The following GRIN2B variants were observed in gnomAD, a reference collection of about 807,000 sequenced individuals.
GRIN2B encodes the protein glutamate ionotropic receptor NMDA type subunit 2B.
Under a neutral mutation model 114.5 loss-of-function variants are expected in GRIN2B, and 5 were observed. The observed-to-expected ratio is 0.04, with a 90% confidence interval of 0.02 to 0.09. The LOEUF is 0.09. GRIN2B is among the 10% of genes least tolerant of loss of function. The pLI is 1.00. For synonymous variants in GRIN2B, 787 were observed against 745.1 expected (o/e 1.06, Z -0.92); for missense variants, 1,108 against 1,943.5 (o/e 0.57, Z 8.08).
intron 4 of GRIN2B, among the ~76,000 whole-genome samples, chr12:13,711,783 C>T (rs1479925956): frequency 6.6e-6 from 1 of 152,150 alleles, no homozygotes; most frequent in African/African-American, 2.4e-5. Context: ...GTTGGTGGAA[C>T]TGTAAACTAG....
intron 2 of GRIN2B, among the ~76,000 whole-genome samples, chr12:13,946,210 C>G (rs1308326265): frequency 2.0e-5 from 3 of 152,022 alleles, no homozygotes; most frequent in African/African-American, 7.2e-5. Context: ...TAAGCTGATA[C>G]CTAATTTCAT....
chr12:13,600,791 G>C (rs1805514), intron 10 of GRIN2B, among the ~76,000 whole-genome samples: 4,816 of 152,236 alleles, frequency 0.032, 114 homozygotes, highest in Non-Finnish European at 0.051. Context: ...AAGGTAGTGG[G>C]GAAGTGTGCA....
intron 4 of GRIN2B, among the ~76,000 whole-genome samples, chr12:13,690,014 A>C (rs1384032288): frequency 6.6e-6 from 1 of 151,952 alleles, no homozygotes; most frequent in Non-Finnish European, 1.5e-5. Flanking sequence ...CATTTCATTT[A>C]TTGTTCACTT....
chr12:13,694,282 A>C (rs867937428), intron 4 of GRIN2B, among the ~76,000 whole-genome samples: 2 of 152,244 alleles, frequency 1.3e-5, no homozygotes, highest in Middle Eastern at 6.8e-3. Context: ...TATTTGGAGA[A>C]GCTCTTCCAA....
Position 13,916,710 on chromosome 12 carries a change from T to TACAC in GRIN2B, c.-18-50485_-18-50484insGTGT, listed in dbSNP as rs144748589. On this transcript the variant is annotated intron_variant, in intron 2 of 13. Coordinates refer to ENST00000609686, the MANE Select transcript of GRIN2B (RefSeq NM_000834.5). ...CTCTCTCTCTCTCCATACATATACA[T>TACAC]ATACACACACACACACACACACACA... Among the ~76,000 whole-genome samples, 894 of 100,230 alleles carry TACAC rather than the reference T, an allele frequency of 8.9e-3. 9 individuals carry two copies. Among genetic ancestry groups the TACAC allele is most frequent in the African/African-American group, 0.028 (680 of 24,308 alleles). 65.8% of individuals were successfully genotyped at this position (100,230 alleles called of 152,430 possible). A position where few individuals can be genotyped will look rare whatever the true frequency, so the allele number is the denominator to read the frequency against.
chr12:13,603,292 T>C (rs1034114418), intron 10 of GRIN2B, among the ~76,000 whole-genome samples: 2 of 152,126 alleles, frequency 1.3e-5, no homozygotes, highest in African/African-American at 4.8e-5. Flanking sequence ...TACATGTTAG[T>C]AGGGGGAAAG....
chr12:13,944,242 T>C (rs1867324184), intron 2 of GRIN2B, among the ~76,000 whole-genome samples: 1 of 152,198 alleles, frequency 6.6e-6, no homozygotes, highest in African/African-American at 2.4e-5. Context: ...AAAACCCTTC[T>C]TTAACCACAT....
intron 4 of GRIN2B, among the ~76,000 whole-genome samples, chr12:13,702,195 A>G (rs1007250627): frequency 6.6e-5 from 10 of 152,196 alleles, no homozygotes; most frequent in Non-Finnish European, 1.2e-4. Flanking sequence ...CCAAGCTACT[A>G]CCATCACATC....
intron 5 of GRIN2B, among the ~76,000 whole-genome samples, chr12:13,638,296 C>A (rs750864204): frequency 6.6e-6 from 1 of 152,060 alleles, no homozygotes; most frequent in Non-Finnish European, 1.5e-5. Flanking sequence ...AGAGACTAGT[C>A]CCTACAATAC....
rs1246772896 is a variant in GRIN2B, at chr12:13,753,456, C to T, written c.871G>A (p.Ala291Thr). 8.1e-6 allele frequency: 13 copies of T among 1,613,946 alleles called. No individual in the cohort carries two copies. Among genetic ancestry groups the T allele is most frequent in the Admixed American group, 3.3e-5 (2 of 59,990 alleles). Residue 291 changes from alanine to threonine, a missense_variant, in exon 4 of 14, where the codon GCC (alanine) becomes ACC (threonine). Transcript: ENST00000609686. This position sits in a 1 kb window ranked among gnomAD's most constrained non-coding sequence, Gnocchi z 6.2. ...ATGGCAATTCCATCTCTCACTCTGG[C>T]GGGGAGGCCATAGTCCCATTCATCA... ...SYDEWDYGLP[A>T]RVRDGIAIIT...
Position 13,551,758 on chromosome 12 carries a change from T to C in GRIN2B, c.*11025A>G, listed in dbSNP as rs1316008715. Reference sequence around the variant, plus strand: ...CAGGTGAATATCTGAGAGCAAAGTATAAACTACTGAGAGTATAACTCAGCC... The same window carrying C: ...CAGGTGAATATCTGAGAGCAAAGTACAAACTACTGAGAGTATAACTCAGCC... On this transcript the variant is annotated 3_prime_UTR_variant, in exon 14 of 14. Coordinates refer to ENST00000609686, the MANE Select transcript of GRIN2B (RefSeq NM_000834.5). 1 of 152,182 alleles carries C rather than the reference T, an allele frequency of 6.6e-6. No homozygotes were observed. Among genetic ancestry groups the C allele is most frequent in the Non-Finnish European group, 1.5e-5 (1 of 68,014 alleles). The allele number at this position is 152,182 out of a possible 1,614,324, so 9.4% of individuals were successfully genotyped here.
At chr12:13,613,825 A>G (rs1466049961) in intron 8 of GRIN2B, among the ~76,000 whole-genome samples, 1 of 152,106 alleles carries the variant, frequency 6.6e-6, no homozygotes, top group Non-Finnish European at 1.5e-5. Flanking sequence ...TCTTATCCCT[A>G]TAACTAACTG....
chr12:13,706,351 C>T (rs925048161), intron 4 of GRIN2B, among the ~76,000 whole-genome samples: 5 of 151,900 alleles, frequency 3.3e-5, no homozygotes, highest in African/African-American at 7.3e-5. Context: ...CTGTTAAGAT[C>T]GAAAGAAAAA....
intron 4 of GRIN2B, among the ~76,000 whole-genome samples, chr12:13,717,582 C>T (rs1016977990): frequency 3.9e-5 from 6 of 151,918 alleles, no homozygotes; most frequent in African/African-American, 1.4e-4. Context: ...AGTAGGCATT[C>T]AGTAAATATT....
At position 13,676,373 on chromosome 12, in the gene GRIN2B, T is replaced by C. The variant is rs545193475; in HGVS notation, c.1011-514A>G. Among the ~76,000 whole-genome samples the C allele has an allele frequency of 2.0e-5, 3 of 152,096 alleles. No individual in the cohort carries two copies. In the East Asian group the frequency reaches 5.8e-4, roughly 29 times the overall value. ...TTAAAAATAAAAATTTTTAAAAAGG[T>C]GTTTGGTTTAAGTTCAGCCTAGAGG... On this transcript the variant is annotated intron_variant, in intron 4 of 13. Coordinates refer to ENST00000609686, the MANE Select transcript of GRIN2B (RefSeq NM_000834.5).
chr12:13,889,141 A>G (rs1411710098), intron 2 of GRIN2B, among the ~76,000 whole-genome samples: 2 of 152,142 alleles, frequency 1.3e-5, no homozygotes, highest in African/African-American at 2.4e-5. Context: ...TTTTTTGTCA[A>G]TAACTGAGAC....
At chr12:13,568,218 A>G (rs930805955) in intron 12 of GRIN2B, among the ~76,000 whole-genome samples, 1 of 152,150 alleles carries the variant, frequency 6.6e-6, no homozygotes, top group African/African-American at 2.4e-5. Context: ...AGTAGGAGGA[A>G]GTAGGAAGAG....
chr12:13,765,044 G>A (rs1305829666), intron 3 of GRIN2B, among the ~76,000 whole-genome samples: 1 of 152,176 alleles, frequency 6.6e-6, no homozygotes, highest in African/African-American at 2.4e-5. Context: ...GAAGCTATCA[G>A]GCTCACATCG....
At chr12:13,636,368 T>C (rs1179993379) in intron 5 of GRIN2B, among the ~76,000 whole-genome samples, 2 of 152,138 alleles carry the variant, frequency 1.3e-5, no homozygotes, top group African/African-American at 2.4e-5. Context: ...GTATTCTGTA[T>C]GTGGTGGAAA....
Sources: gnomAD v4.1 joint callset for allele counts (sites outside exome capture counted in the v4.1 genomes callset) on GRCh38, gnomAD v4.1.1 for gene constraint, Gnocchi (gnomAD v3.1) non-coding constraint, MANE v1.5 for transcripts, NCBI Gene and HGNC (gene_info 2026-07-23, HGNC 2026-07-21) for gene names.